LRRTM4: variants seen among roughly 807,000 people sequenced by gnomAD.
LRRTM4 encodes leucine-rich repeat transmembrane neuronal protein 4.
In LRRTM4, 25 loss-of-function variants were observed where a neutral mutation model predicts 47.6. That is an observed-to-expected ratio of 0.53 (90% CI 0.38 to 0.73). LRRTM4 has a LOEUF of 0.73. Ranked by LOEUF, LRRTM4 falls within the 30% of genes least tolerant of loss-of-function variation. LRRTM4 has a pLI of 0.00. For synonymous variants in LRRTM4, 311 were observed against 269.5 expected (o/e 1.15, Z -1.51); for missense variants, 638 against 713.4 (o/e 0.89, Z 1.20).
chr2:77,249,014 C>A (rs1315766600), intron 3 of LRRTM4, among the ~76,000 whole-genome samples: 1 of 152,082 alleles, frequency 6.6e-6, no homozygotes, highest in Non-Finnish European at 1.5e-5. Context: ...ACACCACAAG[C>A]ATGATCCATG....
chr2:77,050,128 C>CTTTTTTTTT (rs745419725), intron 3 of LRRTM4, among the ~76,000 whole-genome samples: 6 of 112,698 alleles, frequency 5.3e-5, no homozygotes, highest in African/African-American at 1.8e-4. Context: ...AGAACCAAGT[C>CTTTTTTTTT]TTTTTTTTTT....
intron 3 of LRRTM4, among the ~76,000 whole-genome samples, chr2:77,514,245 T>C (rs1408574847): frequency 6.6e-6 from 1 of 152,048 alleles, no homozygotes; most frequent in Admixed American, 6.6e-5. Context: ...TTAATTAAAC[T>C]CAAGGTAACT....
intron 3 of LRRTM4, among the ~76,000 whole-genome samples, chr2:77,412,957 C>T (rs57324970): frequency 0.059 from 8,916 of 152,120 alleles, 889 homozygotes; most frequent in African/African-American, 0.2. Context: ...TATCATTGTT[C>T]AGCAATTTAC....
Position 77,226,538 on chromosome 2 carries a change from C to CATATAT in LRRTM4, c.1551+291774_1551+291779dup, listed in dbSNP as rs60188707. The stretch of plus-strand genomic sequence containing the variant: ...TGCTTATTACAGAGCAAATTATATA[C>CATATAT]ATATATATATATATATATATATATA... On this transcript the variant is annotated intron_variant, in intron 3 of 3. Transcript: ENST00000409884. 2.2e-3 allele frequency among the ~76,000 whole-genome samples: 310 copies of CATATAT among 144,096 alleles called. 3 individuals carry two copies. The highest frequency in any genetic ancestry group is 0.021 in the East Asian group (104 of 4,958). The allele number at this position is 144,096 out of a possible 152,430, so 94.5% of individuals were successfully genotyped here.
At chr2:77,507,843 A>C (rs1678837739) in intron 3 of LRRTM4, among the ~76,000 whole-genome samples, 3 of 152,114 alleles carry the variant, frequency 2.0e-5, no homozygotes, top group Admixed American at 2.0e-4. Context: ...TAATCACCGA[A>C]GACAAGGTGA....
intron 3 of LRRTM4, among the ~76,000 whole-genome samples, chr2:77,029,052 A>AATATAT (rs1182040448): frequency 1.4e-5 from 2 of 140,642 alleles, no homozygotes; most frequent in Non-Finnish European, 3.1e-5. Flanking sequence ...CACACACACA[A>AATATAT]ATATATATAT....
intron 3 of LRRTM4, among the ~76,000 whole-genome samples, chr2:76,839,744 T>G (rs913228239): frequency 2.0e-5 from 3 of 150,784 alleles, no homozygotes; most frequent in Non-Finnish European, 4.5e-5. Flanking sequence ...CAAATAATAG[T>G]TTGTTTATGA....
At chr2:77,341,085 G>C (rs955940041) in intron 3 of LRRTM4, among the ~76,000 whole-genome samples, 3 of 151,898 alleles carry the variant, frequency 2.0e-5, no homozygotes, top group African/African-American at 7.2e-5. Flanking sequence ...TAGAACAGAA[G>C]AGTCCGTTTA....
intron 3 of LRRTM4, among the ~76,000 whole-genome samples, chr2:77,346,846 A>G (rs1671580647): frequency 6.6e-6 from 1 of 152,136 alleles, no homozygotes. Context: ...GTTACAGAAT[A>G]AAAGGATGGC....
chr2:76,890,622 G>C (rs764129694), intron 3 of LRRTM4, among the ~76,000 whole-genome samples: 2 of 151,878 alleles, frequency 1.3e-5, no homozygotes, highest in African/African-American at 4.8e-5. Context: ...TATATCAACT[G>C]TATTACAATA....
rs532818889 is a variant in LRRTM4 at position 77,372,028 on chromosome 2, C to CAGTGA, written c.1551+146285_1551+146289dup. Among the ~76,000 whole-genome samples, 340 of 151,846 alleles carry CAGTGA rather than the reference C, an allele frequency of 2.2e-3. 1 individual carries two copies. The highest frequency in any genetic ancestry group is 7.8e-3 in the African/African-American group (324 of 41,496). On this transcript the variant is annotated intron_variant, in intron 3 of 3. Transcript: ENST00000409884. Reference sequence around the variant, plus strand: ...TCTCCATGCCCCTCAAGTCCCACAGCAGTGATGCAAATGGTGCATGTGGTA... The same window carrying CAGTGA: ...TCTCCATGCCCCTCAAGTCCCACAGCAGTGAAGTGATGCAAATGGTGCATGTGGTA...
chr2:77,435,418 C>T (rs1399771195), intron 3 of LRRTM4, among the ~76,000 whole-genome samples: 1 of 152,124 alleles, frequency 6.6e-6, no homozygotes, highest in Non-Finnish European at 1.5e-5. Context: ...TGCTGTATTG[C>T]TTAGCTAAAC....
intron 3 of LRRTM4, among the ~76,000 whole-genome samples, chr2:77,422,848 C>T (rs1369357245): frequency 3.3e-5 from 5 of 152,020 alleles, no homozygotes; most frequent in Non-Finnish European, 4.4e-5. Context: ...ATTTATCATA[C>T]AGCATTCTCT....
rs772135026 is a variant in LRRTM4 at position 76,807,459 on chromosome 2, CATATATATAT to C, written c.1552-58553_1552-58544del. Among the ~76,000 whole-genome samples, 127 of 85,592 alleles carry C rather than the reference CATATATATAT, an allele frequency of 1.5e-3. 2 individuals are homozygous for C. The East Asian group carries it at 0.063, about 42-fold the overall frequency. The allele number at this position is 85,592 out of a possible 152,430, so 56.2% of individuals were successfully genotyped here. ...ATACGTATATACATATATATATATA[CATATATATAT>C]ACATATATATATATATACATATATA... On this transcript the variant is annotated intron_variant, in intron 3 of 3. Coordinates refer to ENST00000409884, the MANE Select transcript of LRRTM4 (RefSeq NM_001134745.3).
intron 3 of LRRTM4, among the ~76,000 whole-genome samples, chr2:76,754,979 C>T: frequency 6.6e-6 from 1 of 152,154 alleles, no homozygotes; most frequent in East Asian, 1.9e-4. Flanking sequence ...CTAAGCCTAG[C>T]TCATATTGCC....
At chr2:77,118,517 G>C (rs542156196) in intron 3 of LRRTM4, among the ~76,000 whole-genome samples, 1 of 151,826 alleles carries the variant, frequency 6.6e-6, no homozygotes, top group Non-Finnish European at 1.5e-5. Context: ...ATGATGGATG[G>C]AGCATGCAAC....
chr2:77,095,756 AC>A (rs1458706159), intron 3 of LRRTM4, among the ~76,000 whole-genome samples: 1 of 151,876 alleles, frequency 6.6e-6, no homozygotes, highest in Non-Finnish European at 1.5e-5. Flanking sequence ...GGTCAGATCC[AC>A]CCGCCTTGGC....
intron 3 of LRRTM4, among the ~76,000 whole-genome samples, chr2:76,934,612 G>T (rs907513172): frequency 6.6e-6 from 1 of 152,108 alleles, no homozygotes; most frequent in African/African-American, 2.4e-5. Flanking sequence ...TCCCACCGTG[G>T]CCAATTTCAA....
chr2:76,902,541 G>A (rs1169458852), intron 3 of LRRTM4, among the ~76,000 whole-genome samples: 1 of 152,162 alleles, frequency 6.6e-6, no homozygotes, highest in Non-Finnish European at 1.5e-5. Context: ...AATCTGGAAT[G>A]TTAGAAATTT....
Sources: allele counts gnomAD v4.1 joint callset (sites outside exome capture counted in the v4.1 genomes callset), GRCh38; gene constraint gnomAD v4.1.1; transcripts MANE v1.5; gene names NCBI Gene and HGNC (gene_info 2026-07-23, HGNC 2026-07-21).